PLCG2: variants seen among roughly 807,000 people sequenced by gnomAD.
PLCG2 encodes phospholipase C gamma 2.
A neutral mutation model predicts 175.6 loss-of-function variants in PLCG2; 69 were observed. The observed-to-expected ratio is 0.39, with a 90% CI of 0.32 to 0.48. The LOEUF (loss-of-function observed/expected upper bound fraction) is 0.48, where lower values mean the gene tolerates loss of function less well. PLCG2 is among the 20% of genes least tolerant of loss of function. PLCG2 has a pLI of 0.91. For missense variants in PLCG2, 1,798 were observed against 1,650.9 expected, an observed-to-expected ratio of 1.09 and a Z score of -1.54; for synonymous variants, 827 against 624.0, an observed-to-expected ratio of 1.33 and a Z score of -4.85.
chr16:81,814,814 C>G (rs910473131), intron 2 of PLCG2, among the ~76,000 whole-genome samples: 1 of 152,190 alleles, frequency 6.6e-6, no homozygotes, highest in Non-Finnish European at 1.5e-5. Context: ...GAGTTAACCT[C>G]TCTGAACCTT....
At chr16:81,750,811 G>A (rs895718943) in intron 1 of PLCG2, among the ~76,000 whole-genome samples, 1 of 150,586 alleles carries the variant, frequency 6.6e-6, no homozygotes, top group Non-Finnish European at 1.5e-5. Context: ...GGGACTACAG[G>A]CGCCTGCCAC....
At position 81,761,829 on chromosome 16, in the gene PLCG2, A is replaced by ATTTACTTTTT. The variant is rs909875950; in HGVS notation, c.-48+5866_-48+5867insACTTTTTTTT. On this transcript the variant is annotated intron_variant, in intron 2 of 5. Transcript: ENST00000565054. Reference sequence around the variant, plus strand: ...CACTACCTATGATTTCACCCTGCACATTTTTTTTTTTTTTTTTTTGCGCAT... The same window carrying ATTTACTTTTT: ...CACTACCTATGATTTCACCCTGCACATTTACTTTTTTTTTTTTTTTTTTTTTTTTGCGCAT... Among the ~76,000 whole-genome samples the ATTTACTTTTT allele has an allele frequency of 8.4e-3, 1,097 of 130,044 alleles. 21 individuals carry two copies. Among genetic ancestry groups the ATTTACTTTTT allele is most frequent in the African/African-American group, 0.029 (1,030 of 35,036 alleles). 85.3% of individuals were successfully genotyped at this position (130,044 alleles called of 152,430 possible).
At chr16:81,805,813 T>A (rs1317038559) in intron 2 of PLCG2, among the ~76,000 whole-genome samples, 4 of 147,990 alleles carry the variant, frequency 2.7e-5, no homozygotes, top group African/African-American at 1.0e-4. Flanking sequence ...TTATTGTTGT[T>A]TTGTTTTTTA....
At position 81,895,824 on chromosome 16, in the gene PLCG2, C is replaced by T. The variant is rs746689563; in HGVS notation, c.1090C>T (p.Pro364Ser). 9.3e-6 allele frequency: 15 copies of T among 1,613,928 alleles called. No homozygotes were observed. Among genetic ancestry groups the T allele is most frequent in the African/African-American group, 1.3e-5 (1 of 74,888 alleles). ...RCIELDCWDGPDGKPVIYHGW... is the reference protein window; with the variant it reads ...RCIELDCWDGSDGKPVIYHGW... ...CCCTGTAGTGGACTGCTGGGACGGG[C>T]CCGATGGGAAGCCGGTCATCTACCA... Residue 364 changes from proline to serine, a missense_variant, in exon 13 of 33, where the codon CCC (proline) becomes TCC (serine). By Grantham distance (74) the Pro-to-Ser change is moderately conservative (BLOSUM62 -1). Coordinates refer to ENST00000564138, the MANE Select transcript of PLCG2 (RefSeq NM_002661.5).
intron 1 of PLCG2, among the ~76,000 whole-genome samples, chr16:81,744,785 T>C (rs548871017): frequency 6.7e-4 from 102 of 151,760 alleles, no homozygotes; most frequent in African/African-American, 2.4e-3. Flanking sequence ...AGGCTGATCT[T>C]GAACTCCTGG....
chr16:81,786,416 A>G (rs1910973871), intron 2 of PLCG2, among the ~76,000 whole-genome samples: 2 of 152,202 alleles, frequency 1.3e-5, no homozygotes, highest in African/African-American at 4.8e-5. Flanking sequence ...AGGTCAGCCA[A>G]CATGGAAATG....
At chr16:81,916,274 C>A (rs1380119072) in intron 19 of PLCG2, among the ~76,000 whole-genome samples, 1 of 143,846 alleles carries the variant, frequency 7.0e-6, no homozygotes, top group Non-Finnish European at 1.5e-5. Flanking sequence ...TTTCAAAAGA[C>A]TGGAAATCCT....
Position 81,815,768 on chromosome 16 carries a change from CAG to C in PLCG2, c.193+29587_193+29588del, listed in dbSNP as rs1488331006. Among the ~76,000 whole-genome samples, 270 of 152,282 alleles carry C rather than the reference CAG, an allele frequency of 1.8e-3. 2 individuals carry two copies. Among genetic ancestry groups the C allele is most frequent in the African/African-American group, 6.2e-3 (258 of 41,564 alleles). On this transcript the variant is annotated intron_variant, in intron 2 of 32. Coordinates refer to ENST00000564138, the MANE Select transcript of PLCG2 (RefSeq NM_002661.5). Reference sequence around the variant, plus strand: ...AGGTCTTAAGTGCGCTATAATTGAGCAGTCTTAAATGACCAGACACAGTGGCT... The same window carrying C: ...AGGTCTTAAGTGCGCTATAATTGAGCTCTTAAATGACCAGACACAGTGGCT...
chr16:81,768,600 T>A (rs1910205313), intron 2 of PLCG2, among the ~76,000 whole-genome samples: 1 of 140,560 alleles, frequency 7.1e-6, no homozygotes, highest in African/African-American at 2.6e-5. Flanking sequence ...AGTTTCGCTC[T>A]TGTTGCCCAG....
In PLCG2 at chr16:81,931,609, G is replaced by A; in HGVS notation, c.2694G>A (p.Glu898=). The A allele has an allele frequency of 1.2e-6, 2 of 1,614,080 alleles. No homozygotes were observed. Among genetic ancestry groups the A allele is most frequent in the East Asian group, 4.5e-5 (2 of 44,876 alleles). ...CAGACAGGGTGGAGGAGCTCTTTGA[G>A]TGGTTTCAGAGCATCCGAGAGATCA... The part of the protein sequence containing the change: ...FATDRVEELF[E]WFQSIREITW... Residue 898 remains glutamate (E), a synonymous_variant, in exon 25 of 33, where the codon GAG becomes GAA. Transcript: ENST00000564138.
rs957311530 is a variant in PLCG2 at position 81,894,267 on chromosome 16, A to G, written c.1072+473A>G. On this transcript the variant is annotated intron_variant, in intron 12 of 32. Coordinates refer to ENST00000564138, the MANE Select transcript of PLCG2 (RefSeq NM_002661.5). ...GACATGGTGAGATCGTATCATTACGAAAAGTAAAAAAATTAGCTGTGTGTA... is the reference window on the plus strand; with the variant it reads ...GACATGGTGAGATCGTATCATTACGGAAAGTAAAAAAATTAGCTGTGTGTA... Among the ~76,000 whole-genome samples, 15 of 151,952 alleles carry G rather than the reference A, an allele frequency of 9.9e-5. 1 individual carries two copies. Among genetic ancestry groups the G allele is most frequent in the Non-Finnish European group, 2.1e-4 (14 of 68,032 alleles).
chr16:81,894,123 A>G (rs901137223), intron 12 of PLCG2, among the ~76,000 whole-genome samples: 2 of 151,906 alleles, frequency 1.3e-5, no homozygotes, highest in African/African-American at 4.8e-5. Context: ...GGGGTCTCTG[A>G]GCAAATGTGA....
At chr16:81,859,002 A>T in intron 4 of PLCG2, 114 bp from the exon 5 acceptor site, 1 of 628,824 alleles carries the variant, frequency 1.6e-6, no homozygotes, top group South Asian at 2.0e-5. Flanking sequence ...AAGTTGGAAG[A>T]CTCCTCCTTT....
chr16:81,769,180 A>C (rs1910218423), intron 2 of PLCG2, among the ~76,000 whole-genome samples: 2 of 152,202 alleles, frequency 1.3e-5, no homozygotes, highest in Admixed American at 6.5e-5. Flanking sequence ...ACTCACCATG[A>C]GTGATGAGCT....
chr16:81,873,097 T>A (rs1907597413), intron 7 of PLCG2, among the ~76,000 whole-genome samples: 2 of 152,228 alleles, frequency 1.3e-5, no homozygotes, highest in African/African-American at 4.8e-5. Context: ...TAATTAGTTA[T>A]TTGTTTGCCA....
At chr16:81,776,101 T>TTCTTTCTTTCTTTCTTTC (rs1555505213), upstream of PLCG2, among the ~76,000 whole-genome samples, 3 of 55,362 alleles carry the variant, frequency 5.4e-5, no homozygotes, top group African/African-American at 1.7e-4. Context: ...TTCTTTCTTT[T>TTCTTTCTTTCTTTCTTTC]TTTCCTTCTT....
chr16:81,744,138 G>T (rs74772726), intron 1 of PLCG2, among the ~76,000 whole-genome samples: 4 of 149,986 alleles, frequency 2.7e-5, no homozygotes, highest in African/African-American at 9.8e-5. Context: ...GATTACAGGT[G>T]TGAGCCACCG....
intron 2 of PLCG2, among the ~76,000 whole-genome samples, chr16:81,818,520 C>T (rs1458496742): frequency 3.3e-5 from 5 of 152,062 alleles, no homozygotes; most frequent in African/African-American, 1.2e-4. Context: ...CTTGGGGATA[C>T]TCATCGGCTG....
At chr16:81,776,436 T>C (rs1910409927), upstream of PLCG2, among the ~76,000 whole-genome samples, 1 of 151,894 alleles carries the variant, frequency 6.6e-6, no homozygotes, top group African/African-American at 2.4e-5. Flanking sequence ...CTACCTATTT[T>C]ATTCCATGGA....
Sources: gnomAD v4.1 joint callset for allele counts (sites outside exome capture counted in the v4.1 genomes callset) on GRCh38, gnomAD v4.1.1 for gene constraint, MANE v1.5 for transcripts, NCBI Gene and HGNC (gene_info 2026-07-23, HGNC 2026-07-21) for gene names.